The following NAA16 variants were observed in gnomAD, a reference collection of about 807,000 sequenced individuals.
The protein encoded by NAA16 is N-alpha-acetyltransferase 16, NatA auxiliary subunit.
NAA16 carries 97 observed loss-of-function variants against 110.3 expected under a neutral mutation model. The observed-to-expected ratio is 0.88, with a 90% CI of 0.75 to 1.04. The LOEUF (loss-of-function observed/expected upper bound fraction) is 1.04, where lower values mean the gene tolerates loss of function less well. NAA16 is among the 50% of genes least tolerant of loss of function. The probability of loss-of-function intolerance (pLI) is 0.00; values close to 1 mark genes in which losing one functional copy is unlikely to be tolerated. For synonymous variants in NAA16, 372 were observed against 330.6 expected (o/e 1.13, Z -1.36); for missense variants, 1,017 against 1,005.1 (o/e 1.01, Z -0.16).
chr13:41,337,334 G>A (rs1324366298), intron 9 of NAA16, among the ~76,000 whole-genome samples: 1 of 152,106 alleles, frequency 6.6e-6, no homozygotes, highest in Non-Finnish European at 1.5e-5. Context: ...GCGAGGTCAG[G>A]AAATTGAGAC....
chr13:41,342,618 A>G (rs1291712630), intron 9 of NAA16, among the ~76,000 whole-genome samples: 1 of 152,218 alleles, frequency 6.6e-6, no homozygotes, highest in South Asian at 2.1e-4. Context: ...CAACTAACAT[A>G]GTATTCACAA....
chr13:41,362,159 G>T lies in NAA16; in HGVS notation c.1539G>T (p.Arg513Ser). 6.3e-7 allele frequency: 1 copy of T among 1,589,788 alleles called. No homozygotes were observed. Among genetic ancestry groups the T allele is most frequent in the South Asian group, 1.2e-5 (1 of 86,444 alleles). ...TGAAAAAATGTCATGAAGTAGAAAGGGTAAGTTGTTAGAATTTCGACTTCA... is the reference window on the plus strand; with the variant it reads ...TGAAAAAATGTCATGAAGTAGAAAGTGTAAGTTGTTAGAATTTCGACTTCA... ...DALKKCHEVE[R>S]HFFEITDDQF... is the part of the protein sequence containing the mutation. The change falls in exon 13 of 20, where the codon AGG becomes AGT. Residue 513 changes from arginine (R) to serine (S), a missense_variant and splice_region_variant. Coordinates refer to ENST00000379406, the MANE Select transcript of NAA16 (RefSeq NM_024561.5).
chr13:41,337,899 CAAAAG>C (rs1371235205), intron 9 of NAA16, among the ~76,000 whole-genome samples: 1 of 151,500 alleles, frequency 6.6e-6, no homozygotes, highest in Non-Finnish European at 1.5e-5. Flanking sequence ...GTTTCATAAA[CAAAAG>C]AAACAACTGA....
At chr13:41,374,187 G>C (rs1369098040) in intron 18 of NAA16, among the ~76,000 whole-genome samples, 1 of 151,446 alleles carries the variant, frequency 6.6e-6, no homozygotes, top group Non-Finnish European at 1.5e-5. Flanking sequence ...TGTCGCCCAG[G>C]CTGGAGTATG....
At chr13:41,315,893 C>T (rs573143087) in intron 1 of NAA16, among the ~76,000 whole-genome samples, 2 of 152,178 alleles carry the variant, frequency 1.3e-5, no homozygotes, top group Admixed American at 6.5e-5. Flanking sequence ...CCTCAGCCTC[C>T]CAAGCAGTTA....
intron 7 of NAA16, among the ~76,000 whole-genome samples, chr13:41,330,026 ATT>A (rs11326519): frequency 2.0e-5 from 3 of 150,608 alleles, no homozygotes; most frequent in East Asian, 2.0e-4. Flanking sequence ...GTAGTGGATA[ATT>A]TTTTTTTTTC....
chr13:41,335,688 A>G (rs982912880), intron 8 of NAA16, among the ~76,000 whole-genome samples: 1 of 152,186 alleles, frequency 6.6e-6, no homozygotes, highest in African/African-American at 2.4e-5. Flanking sequence ...TTTTTATGAC[A>G]TCTAATTATA....
At chr13:41,354,567 A>C (rs1280453586) in intron 9 of NAA16, 1 of 152,220 alleles carries the variant, frequency 6.6e-6, no homozygotes, top group Admixed American at 6.5e-5. Flanking sequence ...TAAAATATAG[A>C]ACGCTTCATG....
In NAA16 at chr13:41,357,902, A is replaced by G. The variant is rs74050745; in HGVS notation, c.1088-402A>G. Among the ~76,000 whole-genome samples, 1,055 of 152,306 alleles carry G rather than the reference A, an allele frequency of 6.9e-3. 16 individuals are homozygous for G. The highest frequency in any genetic ancestry group is 0.023 in the African/African-American group (975 of 41,576). ...ATTGAGGCCTGGAAAATGGTAAGCC[A>G]TGGCAGTTTGGCAGTTCTTGCCTCT... On this transcript the variant is annotated intron_variant, in intron 10 of 19. Transcript: ENST00000379406.
chr13:41,360,460 A>T (rs1286467179), intron 12 of NAA16, among the ~76,000 whole-genome samples: 1 of 152,224 alleles, frequency 6.6e-6, no homozygotes, highest in Non-Finnish European at 1.5e-5. Flanking sequence ...CAGAAAGCCC[A>T]GTGACACTGG....
intron 1 of NAA16, among the ~76,000 whole-genome samples, chr13:41,316,397 C>G (rs926316110): frequency 1.3e-5 from 2 of 151,498 alleles, no homozygotes; most frequent in East Asian, 1.9e-4. Flanking sequence ...ACCTCTGCCT[C>G]CTGCGTTCAA....
intron 15 of NAA16, among the ~76,000 whole-genome samples, chr13:41,370,692 C>T (rs932877582): frequency 6.6e-6 from 1 of 152,112 alleles, no homozygotes; most frequent in African/African-American, 2.4e-5. Context: ...GGACAGAACC[C>T]CTGGCCATCC....
At chr13:41,343,284 C>A (rs1316600817) in intron 9 of NAA16, among the ~76,000 whole-genome samples, 1 of 151,976 alleles carries the variant, frequency 6.6e-6, no homozygotes, top group East Asian at 1.9e-4. Context: ...GAGATGGGGT[C>A]TTGCTGTATT....
intron 8 of NAA16, among the ~76,000 whole-genome samples, chr13:41,333,596 G>T (rs2042298053): frequency 2.0e-5 from 3 of 152,038 alleles, no homozygotes; most frequent in Non-Finnish European, 4.4e-5. Context: ...ACAATATATT[G>T]TGTGTGGGGG....
chr13:41,315,534 C>G (rs917323071), intron 1 of NAA16, among the ~76,000 whole-genome samples: 1 of 152,128 alleles, frequency 6.6e-6, no homozygotes, highest in Admixed American at 6.5e-5. Context: ...GTTTTTGAAC[C>G]TCTGGAGTTT....
intron 9 of NAA16, among the ~76,000 whole-genome samples, chr13:41,351,568 TGA>T (rs1049123953): frequency 2.0e-5 from 3 of 152,342 alleles, no homozygotes; most frequent in Admixed American, 6.5e-5. Context: ...TTAAGGTTAA[TGA>T]AGAGTTCTTT....
At chr13:41,366,704 A>G (rs1473438139) in intron 13 of NAA16, among the ~76,000 whole-genome samples, 1 of 152,198 alleles carries the variant, frequency 6.6e-6, no homozygotes, top group African/African-American at 2.4e-5. Flanking sequence ...CTAAAATGGA[A>G]TGTAGGTAGA....
At chr13:41,350,616 T>G (rs970372546) in intron 9 of NAA16, among the ~76,000 whole-genome samples, 7 of 18,958 alleles carry the variant, frequency 3.7e-4, no homozygotes, top group Non-Finnish European at 6.0e-4. Context: ...TGTTTTTTTT[T>G]TTTGTTTGTT....
intron 15 of NAA16, among the ~76,000 whole-genome samples, chr13:41,371,464 C>G (rs933821656): frequency 6.6e-6 from 1 of 152,144 alleles, no homozygotes; most frequent in African/African-American, 2.4e-5. Flanking sequence ...CTCCTTCACC[C>G]CTGCCATCCT....
Sources: allele counts gnomAD v4.1 joint callset (sites outside exome capture counted in the v4.1 genomes callset), GRCh38; gene constraint gnomAD v4.1.1; transcripts MANE v1.5; gene names NCBI Gene and HGNC (gene_info 2026-07-23, HGNC 2026-07-21).